AFF3: variants seen among roughly 807,000 people sequenced by gnomAD.
AFF3 encodes the protein AF4/FMR2 family member 3.
AFF3 carries 32 observed loss-of-function variants against 129.7 expected under a neutral mutation model. The ratio of observed to expected loss-of-function variants is 0.25; its 90% CI spans 0.19 to 0.33. The LOEUF (loss-of-function observed/expected upper bound fraction) is 0.33. Ranked by LOEUF, AFF3 falls within the 10% of genes least tolerant of loss-of-function variation. AFF3 has a pLI of 1.00. For missense variants in AFF3, 1,373 were observed against 1,592.0 expected (o/e 0.86, Z 2.34); for synonymous variants, 644 against 635.4 (o/e 1.01, Z -0.20).
rs1675211570 is a variant in AFF3, at chr2:99,558,953, G to A, written c.3207C>T (p.Ala1069=). Residue 1069 remains alanine, a synonymous_variant, in exon 22 of 25, where the codon GCC becomes GCT. Transcript: ENST00000672756. ...QLAALCYRCL[A]LLYWRMFRLK... The stretch of plus-strand genomic sequence containing the variant: ...GTCGAAACATCCGCCAGTACAGGAG[G>A]GCCAGGCATCGGTAACTGCAGGCGA... 1 of 1,614,100 alleles carries A rather than the reference G, an allele frequency of 6.2e-7. No individual in the cohort carries two copies. Among genetic ancestry groups the A allele is most frequent in the Admixed American group, 1.7e-5 (1 of 60,022 alleles).
At chr2:99,659,845 G>A (rs945865987) in intron 12 of AFF3, among the ~76,000 whole-genome samples, 18 of 152,098 alleles carry the variant, frequency 1.2e-4, no homozygotes, top group Middle Eastern at 3.2e-3. Context: ...ACCTGTGTGC[G>A]CAGAAACCGC....
At chr2:99,743,032 G>A (rs1022507840) in intron 10 of AFF3, among the ~76,000 whole-genome samples, 9 of 152,220 alleles carry the variant, frequency 5.9e-5, no homozygotes, top group Admixed American at 1.3e-4. Context: ...TGTATACCAC[G>A]ACGTGGACTT....
intron 13 of AFF3, among the ~76,000 whole-genome samples, chr2:99,628,101 A>G (rs567949334): frequency 9.8e-5 from 15 of 152,344 alleles, no homozygotes; most frequent in Admixed American, 8.5e-4. Flanking sequence ...AATTCTTTGA[A>G]GAATGTCAAT....
At chr2:99,586,087 C>T (rs751707337) in intron 16 of AFF3, among the ~76,000 whole-genome samples, 3 of 152,242 alleles carry the variant, frequency 2.0e-5, no homozygotes, top group Admixed American at 6.5e-5. Context: ...TTATATTCCT[C>T]ACTGCTTAGA....
At chr2:100,040,192 A>G (rs968880350) in intron 4 of AFF3, among the ~76,000 whole-genome samples, 12 of 152,086 alleles carry the variant, frequency 7.9e-5, no homozygotes, top group African/African-American at 2.9e-4. Flanking sequence ...AGTGTTATTA[A>G]GTAATATGAC....
chr2:99,587,819 G>T (rs1404634067), intron 15 of AFF3, among the ~76,000 whole-genome samples: 1 of 152,062 alleles, frequency 6.6e-6, no homozygotes. Context: ...ACACCATCCT[G>T]GCCAACATGG....
intron 8 of AFF3, among the ~76,000 whole-genome samples, chr2:99,757,803 C>T (rs1245018028): frequency 2.0e-5 from 3 of 152,234 alleles, no homozygotes; most frequent in African/African-American, 7.2e-5. Flanking sequence ...ACTCATCAGT[C>T]AAGACCCAGC....
intron 8 of AFF3, among the ~76,000 whole-genome samples, chr2:99,806,210 A>C (rs1336096624): frequency 6.6e-6 from 1 of 152,178 alleles, no homozygotes; most frequent in Non-Finnish European, 1.5e-5. Context: ...CTCTAGCACT[A>C]ATCATCTTGT....
At chr2:100,102,522 T>C (rs1235568315) in intron 4 of AFF3, among the ~76,000 whole-genome samples, 1 of 151,648 alleles carries the variant, frequency 6.6e-6, no homozygotes, top group Non-Finnish European at 1.5e-5. Flanking sequence ...CTAATGTAAA[T>C]TTCAAGTCAA....
chr2:99,947,607 G>C (rs576602495), intron 7 of AFF3, among the ~76,000 whole-genome samples: 1 of 56,962 alleles, frequency 1.8e-5, no homozygotes, highest in Non-Finnish European at 3.7e-5. Flanking sequence ...AAGAAAGATA[G>C]ATAGATAGAT....
chr2:99,631,986 T>C (rs1683158086), intron 13 of AFF3, among the ~76,000 whole-genome samples: 1 of 151,746 alleles, frequency 6.6e-6, no homozygotes, highest in African/African-American at 2.4e-5. Context: ...AAGGTTCCAA[T>C]TTATCCACAA....
intron 4 of AFF3, among the ~76,000 whole-genome samples, chr2:100,095,606 C>T (rs1366305460): frequency 6.6e-6 from 1 of 152,160 alleles, no homozygotes; most frequent in African/African-American, 2.4e-5. Flanking sequence ...TGTTTAAATC[C>T]AGTCTGGGTT....
chr2:99,870,309 A>G (rs956846714), intron 7 of AFF3, among the ~76,000 whole-genome samples: 3 of 152,214 alleles, frequency 2.0e-5, no homozygotes, highest in African/African-American at 7.2e-5. Context: ...GGCTATCTGG[A>G]CAACCTGCAT....
intron 17 of AFF3, 56 bp from the exon 18 acceptor site, chr2:99,578,507 GC>G (rs1677210021): frequency 6.2e-7 from 1 of 1,602,110 alleles, no homozygotes; most frequent in Non-Finnish European, 8.5e-7. Flanking sequence ...GAAGCGAGCA[GC>G]CCATCACATA....
chr2:100,122,550 TAAG>T (rs1237370799), intron 2 of AFF3, among the ~76,000 whole-genome samples: 3 of 152,140 alleles, frequency 2.0e-5, no homozygotes. Flanking sequence ...ACTATAATAA[TAAG>T]GTTGCCCAAC....
chr2:100,066,207 G>T (rs1420267793), intron 4 of AFF3, among the ~76,000 whole-genome samples: 1 of 152,166 alleles, frequency 6.6e-6, no homozygotes, highest in African/African-American at 2.4e-5. Context: ...AAGCCAGCAA[G>T]AAATCAATGA....
intron 7 of AFF3, among the ~76,000 whole-genome samples, chr2:99,979,675 G>C (rs1679215075): frequency 6.6e-6 from 1 of 151,900 alleles, no homozygotes; most frequent in African/African-American, 2.4e-5. Context: ...GTAGAGATGG[G>C]GTCTCTTTAT....
At chr2:99,726,748 T>C (rs1679391661) in intron 11 of AFF3, among the ~76,000 whole-genome samples, 1 of 152,244 alleles carries the variant, frequency 6.6e-6, no homozygotes, top group African/African-American at 2.4e-5. Flanking sequence ...TGGGACAGCA[T>C]ACCTCCCAGT....
chr2:99,595,942 T>G (rs1229962722), intron 14 of AFF3, among the ~76,000 whole-genome samples: 1 of 152,158 alleles, frequency 6.6e-6, no homozygotes, highest in African/African-American at 2.4e-5. Flanking sequence ...GCACAGGGTG[T>G]CTGGTGACTT....
Sources: allele counts gnomAD v4.1 joint callset (sites outside exome capture counted in the v4.1 genomes callset), GRCh38; gene constraint gnomAD v4.1.1; transcripts MANE v1.5; gene names NCBI Gene and HGNC (gene_info 2026-07-23, HGNC 2026-07-21).